Variants in PDS5A observed in about 807,000 individuals in gnomAD.
PDS5A encodes the protein PDS5 cohesin associated factor A, also known as sister chromatid cohesion protein PDS5 homolog A.
Under a neutral mutation model 167.1 loss-of-function variants are expected in PDS5A, and 42 were observed. That is an observed-to-expected ratio of 0.25 (90% confidence interval 0.20 to 0.33). The LOEUF is 0.33. Among genes scored for constraint, PDS5A ranks in the 10% least tolerant of loss-of-function variants. PDS5A has a pLI of 1.00. For synonymous variants in PDS5A, 553 were observed against 554.6 expected (o/e 1.00, Z 0.04); for missense variants, 1,033 against 1,605.9 (o/e 0.64, Z 6.10).
At chr4:39,895,451 C>T (rs1560462117) in intron 16 of PDS5A, among the ~76,000 whole-genome samples, 1 of 151,764 alleles carries the variant, frequency 6.6e-6, no homozygotes, top group Non-Finnish European at 1.5e-5. Flanking sequence ...AATAAAAATG[C>T]CATATAAAAG....
chr4:39,956,178 T>C (rs1028983256), intron 2 of PDS5A, among the ~76,000 whole-genome samples: 12 of 151,448 alleles, frequency 7.9e-5, no homozygotes, highest in Middle Eastern at 3.2e-3. Flanking sequence ...ACAATTGAGA[T>C]AGCAGCAGTG....
chr4:39,931,437 C>T (rs1286871935), intron 2 of PDS5A, among the ~76,000 whole-genome samples: 2 of 152,034 alleles, frequency 1.3e-5, no homozygotes, highest in Non-Finnish European at 2.9e-5. Flanking sequence ...TCGTGTGGGC[C>T]TGGAATCTCT....
At chr4:39,844,547 C>A in intron 30 of PDS5A, 109 bp downstream of exon 30, 2 of 727,090 alleles carry the variant, frequency 2.8e-6, no homozygotes, top group South Asian at 2.3e-5. Flanking sequence ...TTATTTTGTA[C>A]CAGAACACCG....
intron 2 of PDS5A, among the ~76,000 whole-genome samples, chr4:39,948,856 C>T (rs968321359): frequency 2.0e-5 from 3 of 151,986 alleles, no homozygotes; most frequent in Non-Finnish European, 4.4e-5. Context: ...AATTCTTGAC[C>T]TCAGATTATC....
At chr4:39,891,771 T>C (rs1320644724) in intron 16 of PDS5A, among the ~76,000 whole-genome samples, 3 of 152,078 alleles carry the variant, frequency 2.0e-5, no homozygotes, top group African/African-American at 7.2e-5. Context: ...TATTTATAAG[T>C]TAGACATACA....
In PDS5A at chr4:39,863,082, G is replaced by T; in HGVS notation, c.2767-9C>A. The T allele has an allele frequency of 6.2e-7, 1 of 1,602,706 alleles. No homozygotes were observed. ...ACTTGGTAACACTCATCCTACAGCAGCACAGAAAAACTTAAATTGGCAACC... is the reference window on the plus strand; with the variant it reads ...ACTTGGTAACACTCATCCTACAGCATCACAGAAAAACTTAAATTGGCAACC... On this transcript the variant is annotated splice_polypyrimidine_tract_variant and intron_variant, in intron 24 of 32. Transcript: ENST00000303538.
intron 30 of PDS5A, among the ~76,000 whole-genome samples, chr4:39,844,384 A>G (rs1431746631): frequency 6.6e-6 from 1 of 151,280 alleles, no homozygotes; most frequent in Non-Finnish European, 1.5e-5. Flanking sequence ...CTGAGGCAGG[A>G]GAATTGCTTG....
chr4:39,954,684 A>C (rs1428668026), intron 2 of PDS5A, among the ~76,000 whole-genome samples: 3 of 151,176 alleles, frequency 2.0e-5, no homozygotes, highest in African/African-American at 4.9e-5. Flanking sequence ...AAAAAAAAAA[A>C]AAAAAAAAAA....
At chr4:39,829,710 T>C (rs527858004) in intron 32 of PDS5A, among the ~76,000 whole-genome samples, 4 of 148,908 alleles carry the variant, frequency 2.7e-5, no homozygotes, top group Non-Finnish European at 5.9e-5. Flanking sequence ...CCGGCACTTT[T>C]GGAGGCCGAG....
At chr4:39,967,126 G>A (rs935573142) in intron 2 of PDS5A, among the ~76,000 whole-genome samples, 1 of 151,612 alleles carries the variant, frequency 6.6e-6, no homozygotes, top group Non-Finnish European at 1.5e-5. Flanking sequence ...CCAACAAGAT[G>A]AAACTCCATT....
rs767578745 is a variant in PDS5A, at chr4:39,917,036, G to A, written c.876+12C>T. Reference sequence around the variant, plus strand: ...AAATTAAAAAAAAAAAAAGAAAACTGGTCAATCTTACCTTTAGTTTGAATT... The same window carrying A: ...AAATTAAAAAAAAAAAAAGAAAACTAGTCAATCTTACCTTTAGTTTGAATT... On this transcript the variant is annotated intron_variant, in intron 8 of 32. Coordinates refer to ENST00000303538, the MANE Select transcript of PDS5A (RefSeq NM_001100399.2). The A allele has an allele frequency of 1.0e-5, 14 of 1,405,898 alleles. No individual in the cohort carries two copies. Among genetic ancestry groups the A allele is most frequent in the Non-Finnish European group, 1.3e-5 (14 of 1,071,838 alleles). The allele number at this position is 1,405,898 out of a possible 1,614,324, so 87.1% of individuals were successfully genotyped here.
chr4:39,945,802 G>A (rs768328200), intron 2 of PDS5A, among the ~76,000 whole-genome samples: 17 of 152,110 alleles, frequency 1.1e-4, no homozygotes, highest in Non-Finnish European at 2.1e-4. Flanking sequence ...AAGGTAAATC[G>A]TTTGCCTTAT....
intron 26 of PDS5A, among the ~76,000 whole-genome samples, chr4:39,860,450 G>A (rs1306694738): frequency 6.6e-6 from 1 of 150,522 alleles, no homozygotes; most frequent in Non-Finnish European, 1.5e-5. Flanking sequence ...GGGCAACAGA[G>A]TAAGACACTT....
intron 9 of PDS5A, among the ~76,000 whole-genome samples, chr4:39,911,168 G>T (rs558639102): frequency 6.6e-6 from 1 of 152,010 alleles, no homozygotes; most frequent in Non-Finnish European, 1.5e-5. Flanking sequence ...GACAAACACT[G>T]GGAAACTTGA....
chr4:39,966,647 G>A (rs1578844466), intron 2 of PDS5A, among the ~76,000 whole-genome samples: 3 of 152,194 alleles, frequency 2.0e-5, no homozygotes, highest in African/African-American at 7.2e-5. Context: ...CAGGGTAGCT[G>A]TATTAATGTC....
intron 11 of PDS5A, among the ~76,000 whole-genome samples, chr4:39,906,102 G>C (rs1034372061): frequency 6.6e-6 from 1 of 152,216 alleles, no homozygotes; most frequent in African/African-American, 2.4e-5. Flanking sequence ...GCTCACGCCT[G>C]TAATCTCAAC....
intron 16 of PDS5A, among the ~76,000 whole-genome samples, chr4:39,893,385 G>C (rs764127902): frequency 6.6e-6 from 1 of 152,098 alleles, no homozygotes; most frequent in Non-Finnish European, 1.5e-5. Context: ...TGTTTGCTAA[G>C]ATTTTTCAGA....
chr4:39,852,983 T>C (rs942200004), intron 26 of PDS5A, among the ~76,000 whole-genome samples: 2 of 152,198 alleles, frequency 1.3e-5, no homozygotes, highest in Non-Finnish European at 2.9e-5. Flanking sequence ...TGTGAAATTA[T>C]AAATTCACTG....
At chr4:39,948,785 C>A (rs896459004) in intron 2 of PDS5A, among the ~76,000 whole-genome samples, 3 of 151,716 alleles carry the variant, frequency 2.0e-5, no homozygotes, top group African/African-American at 7.3e-5. Flanking sequence ...CCACCATGCC[C>A]GGATAATTTT....
Sources: gnomAD v4.1 joint callset for allele counts (sites outside exome capture counted in the v4.1 genomes callset) on GRCh38, gnomAD v4.1.1 for gene constraint, MANE v1.5 for transcripts, NCBI Gene and HGNC (gene_info 2026-07-23, HGNC 2026-07-21) for gene names.